The following CEP83 variants were observed in gnomAD, a reference collection of about 807,000 sequenced individuals.
The protein encoded by CEP83 is centrosomal protein of 83 kDa.
A neutral mutation model predicts 101.9 loss-of-function variants in CEP83; 70 were observed. That is an observed-to-expected ratio of 0.69 (90% CI 0.57 to 0.84). The LOEUF (loss-of-function observed/expected upper bound fraction) is 0.84, where lower values mean the gene tolerates loss of function less well. CEP83 is among the 40% of genes least tolerant of loss of function. CEP83 has a pLI of 0.00. For missense variants in CEP83, 715 were observed against 787.2 expected (o/e 0.91, Z 1.10); for synonymous variants, 264 against 267.9 (o/e 0.99, Z 0.14).
At chr12:94,458,361 C>T (rs958014409) in intron 1 of CEP83, among the ~76,000 whole-genome samples, 2 of 152,186 alleles carry the variant, frequency 1.3e-5, no homozygotes, top group Admixed American at 1.3e-4. Context: ...AAGGGGAATA[C>T]CCAGCATACT....
the CEP83 span, chr12:94,298,613 G>A: frequency 6.4e-7 from 1 of 1,567,980 alleles, no homozygotes; most frequent in African/African-American, 1.4e-5. Flanking sequence ...TCCCAAATCT[G>A]ATGTTGTCTA....
chr12:94,339,582 T>G (rs2059593354), intron 11 of CEP83, among the ~76,000 whole-genome samples: 1 of 152,220 alleles, frequency 6.6e-6, no homozygotes, highest in African/African-American at 2.4e-5. Context: ...TGTAACTTCT[T>G]GGCTTCATTT....
chr12:94,323,565 C>T (rs959604889), intron 14 of CEP83, among the ~76,000 whole-genome samples: 4 of 152,124 alleles, frequency 2.6e-5, no homozygotes, highest in Non-Finnish European at 5.9e-5. Flanking sequence ...AATGCGTGTA[C>T]CTGGATGCTT....
At chr12:94,275,905 T>C in the CEP83 span, among the ~76,000 whole-genome samples, 1 of 145,058 alleles carries the variant, frequency 6.9e-6, no homozygotes, top group East Asian at 2.0e-4. Context: ...GAGCACTAAG[T>C]GTTAGCAGCA....
At chr12:94,356,452 G>A (rs1472983713) in intron 11 of CEP83, among the ~76,000 whole-genome samples, 1 of 152,150 alleles carries the variant, frequency 6.6e-6, no homozygotes, top group African/African-American at 2.4e-5. Context: ...GAGGACACTG[G>A]GTGAAAAATA....
chr12:94,268,327 T>C, the CEP83 span, among the ~76,000 whole-genome samples: 1 of 152,216 alleles, frequency 6.6e-6, no homozygotes, highest in Admixed American at 6.5e-5. Context: ...TCTTCTTGCA[T>C]ATTGAGAAGA....
At chr12:94,348,256 G>A (rs1186798188) in intron 11 of CEP83, among the ~76,000 whole-genome samples, 1 of 151,970 alleles carries the variant, frequency 6.6e-6, no homozygotes, top group Non-Finnish European at 1.5e-5. Context: ...TTCAAAAGGA[G>A]GAGCATAGTG....
intron 4 of CEP83, among the ~76,000 whole-genome samples, chr12:94,406,655 C>T (rs1375347106): frequency 6.6e-6 from 1 of 152,208 alleles, no homozygotes; most frequent in Non-Finnish European, 1.5e-5. Context: ...GGCAAGGTGG[C>T]TCACGCCTGT....
chr12:94,361,620 C>G (rs1216547286), intron 11 of CEP83: 1 of 152,100 alleles, frequency 6.6e-6, no homozygotes. Context: ...TCGTATCAAA[C>G]CAAGTTTCTG....
chr12:94,411,830 A>C lies in CEP83; in HGVS notation c.191T>G (p.Val64Gly). ...GTGCTTGAGTTCATTTTGTAACTTT[A>C]CATGTTCATTCTGCAACCTGGTTTT... ...AEHTRLQNEH[V>G]KLQNELKHLF... The change falls in exon 4 of 17, where the codon GTA becomes GGA. Residue 64 changes from valine to glycine, a missense_variant. Val to Gly is a moderately radical substitution (Grantham distance 109). Transcript: ENST00000397809. 6.2e-7 allele frequency: 1 copy of C among 1,610,798 alleles called. No individual in the cohort carries two copies. The highest frequency in any genetic ancestry group is 8.5e-7 in the Non-Finnish European group (1 of 1,179,212).
intron 12 of CEP83, among the ~76,000 whole-genome samples, chr12:94,334,998 G>A (rs1346839102): frequency 1.3e-5 from 2 of 151,844 alleles, no homozygotes; most frequent in Non-Finnish European, 2.9e-5. Context: ...GTACCAACTC[G>A]CATATGAGCA....
chr12:94,399,534 G>A (rs894081072), intron 6 of CEP83, among the ~76,000 whole-genome samples: 2 of 152,108 alleles, frequency 1.3e-5, no homozygotes, highest in African/African-American at 4.8e-5. Flanking sequence ...ACATAGCAAG[G>A]CCCCATCTCT....
At chr12:94,400,474 C>T (rs2063185445) in intron 6 of CEP83, among the ~76,000 whole-genome samples, 1 of 152,152 alleles carries the variant, frequency 6.6e-6, no homozygotes. Context: ...CTAGTGCTTT[C>T]CCATATGTGG....
Position 94,411,640 on chromosome 12 carries a change from T to TCCA in CEP83, c.324+54_324+56dup, listed in dbSNP as rs1469621165. 2.2e-6 allele frequency: 3 copies of TCCA among 1,342,054 alleles called. No homozygotes were observed. In the African/African-American group the frequency reaches 4.4e-5, roughly 20 times the overall value. 83.1% of individuals were successfully genotyped at this position (1,342,054 alleles called of 1,614,324 possible). On this transcript the variant is annotated intron_variant, in intron 4 of 16. Transcript: ENST00000397809. ...GCCATATTCACCAAAACTACTTACT[T>TCCA]CCACTACGTATCTGACTGCTTTTAT...
chr12:94,355,439 G>A (rs1384145876), intron 11 of CEP83, among the ~76,000 whole-genome samples: 2 of 151,970 alleles, frequency 1.3e-5, no homozygotes, highest in African/African-American at 2.4e-5. Flanking sequence ...CTTGCAGTGA[G>A]CAGATCGCAC....
rs76061018 is a variant in CEP83, at chr12:94,388,571, T to G, written c.550-9529A>C. Among the ~76,000 whole-genome samples, 608 of 152,194 alleles carry G rather than the reference T, an allele frequency of 4.0e-3. 8 individuals are homozygous for G. The highest frequency in any genetic ancestry group is 0.014 in the African/African-American group (593 of 41,502). ...TACACCTGTGTAACAAATCTACACA[T>G]GTAACCCCTGAATCTAAAATAAAAC... On this transcript the variant is annotated intron_variant, in intron 6 of 16. Transcript: ENST00000397809.
At chr12:94,457,889 C>T (rs1044135038) in intron 1 of CEP83, among the ~76,000 whole-genome samples, 1 of 152,038 alleles carries the variant, frequency 6.6e-6, no homozygotes, top group Non-Finnish European at 1.5e-5. Context: ...ACTGGTAAAC[C>T]AAGGATTAAA....
chr12:94,266,248 G>A, the CEP83 span, among the ~76,000 whole-genome samples: 3 of 152,300 alleles, frequency 2.0e-5, no homozygotes, highest in Non-Finnish European at 4.4e-5. Context: ...ATAGTCCGTA[G>A]GTCAGCTGTT....
At chr12:94,432,321 C>T (rs1467189450) in intron 2 of CEP83, among the ~76,000 whole-genome samples, 2 of 152,182 alleles carry the variant, frequency 1.3e-5, no homozygotes, top group Admixed American at 6.5e-5. Flanking sequence ...CTCGGCCTCC[C>T]AAAGTACTGG....
Sources: allele counts gnomAD v4.1 joint callset (sites outside exome capture counted in the v4.1 genomes callset), GRCh38; gene constraint gnomAD v4.1.1; transcripts MANE v1.5; gene names NCBI Gene and HGNC (gene_info 2026-07-23, HGNC 2026-07-21).